Variants in AXDND1 observed in about 807,000 individuals in gnomAD.
AXDND1 encodes axonemal dynein light chain domain containing 1, also known as axonemal dynein light chain domain-containing protein 1.
A neutral mutation model predicts 137.5 loss-of-function variants in AXDND1; 110 were observed. The ratio of observed to expected loss-of-function variants is 0.80; its 90% CI spans 0.69 to 0.94. The LOEUF is 0.94. Ranked by LOEUF, AXDND1 falls within the 40% of genes least tolerant of loss-of-function variation. The pLI is 0.00. For missense variants in AXDND1, 1,191 were observed against 1,169.8 expected (o/e 1.02, Z -0.26); for synonymous variants, 414 against 399.7 (o/e 1.04, Z -0.43).
chr1:179,510,036 G>A (rs745911677), intron 21 of AXDND1, among the ~76,000 whole-genome samples: 1 of 152,114 alleles, frequency 6.6e-6, no homozygotes, highest in Non-Finnish European at 1.5e-5. Context: ...TGGCTTCTGT[G>A]TAGCATTTGG....
intron 21 of AXDND1, among the ~76,000 whole-genome samples, chr1:179,520,501 C>G (rs1292720209): frequency 2.0e-5 from 3 of 152,032 alleles, no homozygotes; most frequent in African/African-American, 7.2e-5. Context: ...TGGTCTCAAA[C>G]TCCTGGGCTT....
intron 18 of AXDND1, among the ~76,000 whole-genome samples, chr1:179,484,218 CAGAG>C (rs2125545765): frequency 6.6e-6 from 1 of 152,300 alleles, no homozygotes; most frequent in South Asian, 2.1e-4. Flanking sequence ...CTTGAGCTGG[CAGAG>C]AGAGCTGCTT....
intron 20 of AXDND1, among the ~76,000 whole-genome samples, chr1:179,495,896 C>CTTTTTT (rs34788199): frequency 6.0e-5 from 7 of 116,432 alleles, no homozygotes; most frequent in African/African-American, 1.2e-4. Flanking sequence ...GCTGAAAATT[C>CTTTTTT]TTTTTTTTTT....
At chr1:179,519,160 C>G (rs147113090) in intron 21 of AXDND1, among the ~76,000 whole-genome samples, 404 of 152,318 alleles carry the variant, frequency 2.7e-3, no homozygotes, top group Non-Finnish European at 4.3e-3. Context: ...AGCTTTTTCT[C>G]ATATGATTAT....
intron 21 of AXDND1, among the ~76,000 whole-genome samples, chr1:179,519,765 A>G (rs1315612189): frequency 1.3e-5 from 2 of 152,042 alleles, no homozygotes; most frequent in Non-Finnish European, 2.9e-5. Flanking sequence ...TTCTTGTATT[A>G]TACCATGCTG....
intron 18 of AXDND1, among the ~76,000 whole-genome samples, chr1:179,486,139 A>AAAAAAAACAAAAAAAAAAAAAAAACT (rs149119239): frequency 1.1e-5 from 1 of 87,770 alleles, no homozygotes; most frequent in Admixed American, 1.7e-4. Context: ...AAAAAAAAAA[A>AAAAAAAACAAAAAAAAAAAAAAAACT]AACCTGATAG....
At chr1:179,403,342 A>G (rs1652404676) in intron 11 of AXDND1, among the ~76,000 whole-genome samples, 1 of 152,192 alleles carries the variant, frequency 6.6e-6, no homozygotes, top group Admixed American at 6.5e-5. Context: ...CTGAATCTAC[A>G]GTACATATCA....
chr1:179,376,145 A>G (rs1422770179), intron 4 of AXDND1, among the ~76,000 whole-genome samples: 1 of 152,134 alleles, frequency 6.6e-6, no homozygotes, highest in East Asian at 1.9e-4. Context: ...AAAGCCCAAC[A>G]TGTTAAGCAT....
At chr1:179,382,811 C>G in intron 7 of AXDND1, 55 bp downstream of exon 7, 1 of 1,344,318 alleles carries the variant, frequency 7.4e-7, no homozygotes, top group Non-Finnish European at 1.0e-6. Flanking sequence ...TATATACATA[C>G]ACATTTCTTG....
chr1:179,470,425 T>G (rs896523463), intron 17 of AXDND1, among the ~76,000 whole-genome samples: 1 of 152,186 alleles, frequency 6.6e-6, no homozygotes, highest in Non-Finnish European at 1.5e-5. Context: ...CTTAAACATG[T>G]TAAGTCTTCT....
chr1:179,554,306 T>G (rs1673754535), intron 25 of AXDND1, among the ~76,000 whole-genome samples: 1 of 152,192 alleles, frequency 6.6e-6, no homozygotes, highest in South Asian at 2.1e-4. Flanking sequence ...AATGTTATAG[T>G]GATTGTGTTA....
chr1:179,449,534 C>T (rs1237018185), intron 16 of AXDND1: 1 of 153,626 alleles, frequency 6.5e-6, no homozygotes, highest in Non-Finnish European at 1.5e-5. Context: ...TTATAATCAG[C>T]TTATCAATTT....
intron 18 of AXDND1, among the ~76,000 whole-genome samples, chr1:179,485,538 C>T (rs1044610935): frequency 6.6e-6 from 1 of 152,096 alleles, no homozygotes; most frequent in Non-Finnish European, 1.5e-5. Context: ...AAAGAAAATG[C>T]ATTCTAAGGA....
chr1:179,476,998 T>G (rs1664719124), intron 17 of AXDND1, among the ~76,000 whole-genome samples: 1 of 152,154 alleles, frequency 6.6e-6, no homozygotes, highest in Non-Finnish European at 1.5e-5. Context: ...TGTCCCATAT[T>G]TCTTCAAGGC....
chr1:179,399,871 A>G (rs1027232582), intron 11 of AXDND1, among the ~76,000 whole-genome samples: 4 of 152,218 alleles, frequency 2.6e-5, no homozygotes, highest in Non-Finnish European at 4.4e-5. Flanking sequence ...CAAAACCACA[A>G]TGCAGTACCA....
intron 11 of AXDND1, among the ~76,000 whole-genome samples, chr1:179,402,491 T>TA (rs1274281194): frequency 1.3e-5 from 2 of 152,314 alleles, no homozygotes; most frequent in East Asian, 3.9e-4. Context: ...TCCCTTTTGT[T>TA]AACTATAGTC....
chr1:179,505,126 G>A (rs1473157536), intron 20 of AXDND1, among the ~76,000 whole-genome samples: 1 of 152,140 alleles, frequency 6.6e-6, no homozygotes, highest in Non-Finnish European at 1.5e-5. Context: ...TATGACATCA[G>A]ACTTTGGGAT....
chr1:179,397,115 C>G (rs1383945824), intron 11 of AXDND1, among the ~76,000 whole-genome samples: 1 of 152,190 alleles, frequency 6.6e-6, no homozygotes, highest in Non-Finnish European at 1.5e-5. Context: ...TTAATAGCAG[C>G]TGGTAATGGT....
Position 179,554,559 on chromosome 1 carries a change from T to C in AXDND1, c.*40T>C. 1 of 1,614,124 alleles carries C rather than the reference T, an allele frequency of 6.2e-7. No homozygotes were observed. Among genetic ancestry groups the C allele is most frequent in the Non-Finnish European group, 8.5e-7 (1 of 1,179,986 alleles). ...GTGGAAAGAAGAATTCAGATGTCAG[T>C]GGGAGCCTCCAGGTGGGAGGAGAGC... On this transcript the variant is annotated 3_prime_UTR_variant, in exon 26 of 26. Coordinates refer to ENST00000367618, the MANE Select transcript of AXDND1 (RefSeq NM_144696.6).
Sources: allele counts gnomAD v4.1 joint callset (sites outside exome capture counted in the v4.1 genomes callset), GRCh38; gene constraint gnomAD v4.1.1; transcripts MANE v1.5; gene names NCBI Gene and HGNC (gene_info 2026-07-23, HGNC 2026-07-21).